The following BMPR1B variants were observed in gnomAD, a reference collection of about 807,000 sequenced individuals.
The protein encoded by BMPR1B is bone morphogenetic protein receptor type-1B.
BMPR1B carries 12 observed loss-of-function variants against 59.1 expected under a neutral mutation model. The ratio of observed to expected loss-of-function variants is 0.20; its 90% CI spans 0.13 to 0.33. The LOEUF (loss-of-function observed/expected upper bound fraction) is 0.33, where lower values mean the gene tolerates loss of function less well. Ranked by LOEUF, BMPR1B falls within the 10% of genes least tolerant of loss-of-function variation. The pLI is 1.00. For missense variants in BMPR1B, 550 were observed against 610.9 expected (o/e 0.90, Z 1.05); for synonymous variants, 237 against 207.3 (o/e 1.14, Z -1.23).
At chr4:95,119,218 T>A (rs1437700811) in intron 6 of BMPR1B, among the ~76,000 whole-genome samples, 2 of 152,186 alleles carry the variant, frequency 1.3e-5, no homozygotes, top group Non-Finnish European at 2.9e-5. Context: ...TTTTGCAAAA[T>A]CTTTCGTTAT....
intron 1 of BMPR1B, among the ~76,000 whole-genome samples, chr4:94,875,005 A>C (rs1726663871): frequency 6.6e-6 from 1 of 152,102 alleles, no homozygotes. Context: ...AAAAAATAAT[A>C]ATAAATAAAT....
rs537224027 is a variant in BMPR1B, at chr4:94,810,803, C to T, written c.-183+52735C>T. Among the ~76,000 whole-genome samples the T allele has an allele frequency of 2.6e-5, 4 of 152,280 alleles. No homozygotes were observed. In the East Asian group the frequency reaches 5.8e-4, roughly 22 times the overall value. The stretch of plus-strand genomic sequence containing the variant: ...ACCCTTTGGTGTTGAGTGGCTACCT[C>T]AGTGTCAGGCACATATTAGAGAGTT... On this transcript the variant is annotated intron_variant, in intron 1 of 12. Coordinates refer to ENST00000515059, the MANE Select transcript of BMPR1B (RefSeq NM_001203.3).
chr4:94,828,644 TA>T lies in BMPR1B; in HGVS notation c.-182-47186del, dbSNP rs199831526. On this transcript the variant is annotated intron_variant, in intron 1 of 12. Transcript: ENST00000515059. Reference sequence around the variant, plus strand: ...TTTTCCAGAATTATTTGAGAATGGATATTTTTTTTCCCTTAGAGAACATCTA... The same window carrying T: ...TTTTCCAGAATTATTTGAGAATGGATTTTTTTTTCCCTTAGAGAACATCTA... Among the ~76,000 whole-genome samples, 1,048 of 152,242 alleles carry T rather than the reference TA, an allele frequency of 6.9e-3. 11 individuals carry two copies. Among genetic ancestry groups the T allele is most frequent in the African/African-American group, 0.023 (969 of 41,536 alleles).
At chr4:95,144,951 T>C (rs886619772) in intron 10 of BMPR1B, among the ~76,000 whole-genome samples, 1 of 152,202 alleles carries the variant, frequency 6.6e-6, no homozygotes, top group African/African-American at 2.4e-5. Context: ...TGTCCTGTAA[T>C]CCTTGAAATG....
intron 2 of BMPR1B, among the ~76,000 whole-genome samples, chr4:94,880,816 A>AC (rs1726934587): frequency 1.3e-5 from 2 of 151,738 alleles, no homozygotes; most frequent in Non-Finnish European, 2.9e-5. Flanking sequence ...TTATATTTTT[A>AC]GTAGAGACGG....
chr4:94,774,114 G>T (rs986912941), intron 1 of BMPR1B, among the ~76,000 whole-genome samples: 1 of 151,958 alleles, frequency 6.6e-6, no homozygotes, highest in African/African-American at 2.4e-5. Flanking sequence ...GTATTTTCTA[G>T]ATAACCCATA....
At chr4:94,798,247 G>A (rs757820150) in intron 1 of BMPR1B, among the ~76,000 whole-genome samples, 23 of 152,126 alleles carry the variant, frequency 1.5e-4, no homozygotes, top group African/African-American at 4.6e-4. Flanking sequence ...TTTGATAAGC[G>A]TTTGCAGTCC....
chr4:94,783,481 C>T (rs1722655061), intron 1 of BMPR1B, among the ~76,000 whole-genome samples: 1 of 152,136 alleles, frequency 6.6e-6, no homozygotes, highest in African/African-American at 2.4e-5. Context: ...TAAAGTTAGT[C>T]CCTTTAAGTG....
chr4:94,949,132 C>T (rs997630865), intron 2 of BMPR1B, among the ~76,000 whole-genome samples: 24 of 152,116 alleles, frequency 1.6e-4, no homozygotes, highest in African/African-American at 5.6e-4. Context: ...TTGCCCCCCA[C>T]CCACTGAGAG....
At chr4:94,861,568 A>G (rs1725978298) in intron 1 of BMPR1B, among the ~76,000 whole-genome samples, 1 of 152,148 alleles carries the variant, frequency 6.6e-6, no homozygotes, top group Non-Finnish European at 1.5e-5. Context: ...CTCCTATGTT[A>G]TCTTTCTCTT....
intron 1 of BMPR1B, among the ~76,000 whole-genome samples, chr4:94,813,686 T>A (rs769578800): frequency 3.9e-5 from 6 of 152,104 alleles, no homozygotes; most frequent in African/African-American, 1.4e-4. Flanking sequence ...TTGAGAGTAG[T>A]CTGCAGTGGT....
intron 3 of BMPR1B, among the ~76,000 whole-genome samples, chr4:95,010,976 G>GA (rs1212144771): frequency 6.6e-6 from 1 of 152,164 alleles, no homozygotes; most frequent in Non-Finnish European, 1.5e-5. Context: ...AATAATTGTA[G>GA]AAAAAACTAA....
intron 1 of BMPR1B, among the ~76,000 whole-genome samples, chr4:94,834,456 C>T (rs564701609): frequency 1.3e-5 from 2 of 151,812 alleles, no homozygotes; most frequent in South Asian, 4.2e-4. Context: ...CTTGAAAACC[C>T]TTCTTTTTCC....
intron 1 of BMPR1B, among the ~76,000 whole-genome samples, chr4:94,830,491 T>C (rs373219852): frequency 1.3e-5 from 2 of 152,200 alleles, no homozygotes; most frequent in Non-Finnish European, 2.9e-5. Context: ...TTTGATTCCA[T>C]GTAGCATATA....
chr4:94,769,265 A>G (rs1399329105), intron 1 of BMPR1B, among the ~76,000 whole-genome samples: 6 of 152,246 alleles, frequency 3.9e-5, no homozygotes, highest in Non-Finnish European at 8.8e-5. Context: ...GCCATATTGT[A>G]AAGTGTGTCA....
rs1271170297 is a variant in BMPR1B, at chr4:95,104,494, A to AC, written c.76dup (p.Arg26ProfsTer8). 2 of 1,612,816 alleles carry AC rather than the reference A, an allele frequency of 1.2e-6. No homozygotes were observed. Among genetic ancestry groups the AC allele is most frequent in the African/African-American group, 1.3e-5 (1 of 74,654 alleles). On this transcript the variant is annotated frameshift_variant, in exon 4 of 13. Transcript: ENST00000515059. LOFTEE classifies it high-confidence loss of function. ...AGAGGATGGTGAGAGTACAGCCCCC[A>AC]CCCCCCGTCCAAAGGTCTTGCGTTG...
Position 95,114,746 on chromosome 4 carries a change from T to C in BMPR1B, c.170T>C (p.Ile57Thr), listed in dbSNP as rs1364478234. The C allele has an allele frequency of 6.2e-7, 1 of 1,613,774 alleles. No individual in the cohort carries two copies. Among genetic ancestry groups the C allele is most frequent in the Non-Finnish European group, 8.5e-7 (1 of 1,179,798 alleles). The stretch of plus-strand genomic sequence containing the variant: ...ACAGACGGATATTGTTTCACGATGA[T>C]AGAAGAGGATGACTCTGGGTTGCCT... ...CSTDGYCFTM[I>T]EEDDSGLPVV... The change falls in exon 5 of 13, where the codon ATA (isoleucine) becomes ACA (threonine). Residue 57 changes from isoleucine (I) to threonine (T), a missense_variant. By Grantham distance (89) the Ile-to-Thr change is moderately conservative (BLOSUM62 -1). Around this residue, in one of 6 missense-constraint regions of BMPR1B, gnomAD observed 22 missense variants for 66.1 expected, o/e 0.33. Transcript: ENST00000515059.
At chr4:95,131,088 C>G (rs1488419824) in intron 9 of BMPR1B, 127 bp from the exon 10 acceptor site, 1 of 955,362 alleles carries the variant, frequency 1.0e-6, no homozygotes, top group Non-Finnish European at 1.6e-6. Context: ...CCATCATAGG[C>G]ATAGTCAGGA....
At chr4:94,758,585 G>A (rs1245877051) in intron 1 of BMPR1B, among the ~76,000 whole-genome samples, 1 of 152,096 alleles carries the variant, frequency 6.6e-6, no homozygotes, top group East Asian at 1.9e-4. Context: ...TGCCCCGGAC[G>A]CCTCCCGAGA....
Sources: allele counts gnomAD v4.1 joint callset (sites outside exome capture counted in the v4.1 genomes callset), GRCh38; gene constraint gnomAD v4.1.1; regional missense constraint gnomAD v4.1.1; transcripts MANE v1.5; gene names NCBI Gene and HGNC (gene_info 2026-07-23, HGNC 2026-07-21).